The following BEGAIN variants were observed in gnomAD, a reference collection of about 807,000 sequenced individuals.
The protein encoded by BEGAIN is brain-enriched guanylate kinase-associated protein.
A neutral mutation model predicts 35.8 loss-of-function variants in BEGAIN; 19 were observed. The observed-to-expected ratio is 0.53, with a 90% CI of 0.37 to 0.78. The LOEUF is 0.78. BEGAIN is among the 30% of genes least tolerant of loss of function. The pLI, the probability that BEGAIN is intolerant of heterozygous loss-of-function variation, is 0.00. For synonymous variants in BEGAIN, 462 were observed against 388.6 expected (o/e 1.19, Z -2.22); for missense variants, 795 against 853.6 (o/e 0.93, Z 0.85).
intron 6 of BEGAIN, chr14:100,540,227 G>GC (rs2140445136): frequency 5.9e-6 from 3 of 509,804 alleles, no homozygotes; most frequent in Non-Finnish European, 7.1e-6. Flanking sequence ...ACCTGGAGCA[G>GC]CCCCCCAAAG....
chr14:100,569,526 G>A (rs1486389002), intron 1 of BEGAIN: 1 of 152,772 alleles, frequency 6.5e-6, no homozygotes, highest in Non-Finnish European at 1.5e-5. Flanking sequence ...TACGGCACTG[G>A]AGCCTGTCTT....
intron 1 of BEGAIN, among the ~76,000 whole-genome samples, chr14:100,583,685 TTTC>T (rs1436429152): frequency 1.8e-5 from 2 of 113,178 alleles, no homozygotes; most frequent in East Asian, 4.2e-4. Flanking sequence ...CTCTTTCGTT[TTTC>T]TTCCTTTTTT....
chr14:100,563,551 C>T lies in BEGAIN; in HGVS notation c.71+4360G>A, dbSNP rs1277753565. 1.3e-5 allele frequency among the ~76,000 whole-genome samples: 2 copies of T among 152,232 alleles called. No individual in the cohort carries two copies. The highest frequency in any genetic ancestry group is 1.9e-4 in the East Asian group (1 of 5,202). The stretch of plus-strand genomic sequence containing the variant: ...AAAACACCTTGGTAGAAAATGCGCA[C>T]GGCCTTCGCCGGTGAGGAAACCCAG... On this transcript the variant is annotated intron_variant, in intron 2 of 6. Transcript: ENST00000554140. This position sits in a 1 kb window ranked among gnomAD's most constrained non-coding sequence, Gnocchi z 4.2.
intron 2 of BEGAIN, among the ~76,000 whole-genome samples, chr14:100,559,645 A>C (rs768601917): frequency 4.6e-5 from 7 of 152,242 alleles, no homozygotes; most frequent in Non-Finnish European, 8.8e-5. Context: ...TTGGATCAGC[A>C]GGAGGCCTGT....
chr14:100,538,043 G>A lies in BEGAIN; in HGVS notation c.1765C>T (p.Arg589Trp), dbSNP rs758663053. 4 of 1,607,716 alleles carry A rather than the reference G, an allele frequency of 2.5e-6. No individual in the cohort carries two copies. The African/African-American group carries it at 4.0e-5, about 16-fold the overall frequency. Residue 589 changes from arginine (R) to tryptophan (W), a missense_variant, in exon 7 of 7, where the codon CGG (arginine) becomes TGG (tryptophan). Around this residue, in one of 3 missense-constraint regions of BEGAIN, gnomAD observed 664 missense variants for 647.7 expected, o/e 1.03. Transcript: ENST00000554140. ...CGGCTCAGCCCCGAGCCACCAGTCC[G>A]CGGAAAGGCCTGCTGGGGGCTGAGG... ...ARLSPQQAFPRTGGSGLSRKD... is the reference protein window; with the variant it reads ...ARLSPQQAFPWTGGSGLSRKD...
intron 4 of BEGAIN, 52 bp downstream of exon 4, chr14:100,544,948 C>T (rs2032174995): frequency 6.3e-7 from 1 of 1,590,218 alleles, no homozygotes; most frequent in Admixed American, 1.7e-5. Flanking sequence ...GGGTGGCTCC[C>T]CCCGGGAAGG....
chr14:100,543,794 C>A, intron 5 of BEGAIN, 64 bp downstream of exon 5: 1 of 1,305,820 alleles, frequency 7.7e-7, no homozygotes, highest in Non-Finnish European at 1.1e-6. Context: ...CCCAGTGCAT[C>A]CTGGGAAGCC....
At chr14:100,544,931 G>C in intron 4 of BEGAIN, 69 bp downstream of exon 4, 1 of 1,520,000 alleles carries the variant, frequency 6.6e-7, no homozygotes, top group Admixed American at 1.7e-5. Context: ...GCCCAGGGGT[G>C]TCAGCTGGGT....
Position 100,546,776 on chromosome 14 carries a change from GCGCGCACACACA to G in BEGAIN, c.72-126_72-115del, listed in dbSNP as rs772296865. 204 of 678,250 alleles carry G rather than the reference GCGCGCACACACA, an allele frequency of 3.0e-4. 1 individual carries two copies. The African/African-American group carries it at 4.9e-3, about 16-fold the overall frequency. The allele number at this position is 678,250 out of a possible 1,614,324, so 42.0% of individuals were successfully genotyped here. ...CACGCGAGTACCGGCGCGCGCGCGC[GCGCGCACACACA>G]CACACACACACACACACACACACAC... On this transcript the variant is annotated intron_variant, in intron 2 of 6. Coordinates refer to ENST00000554140, the MANE Select transcript of BEGAIN (RefSeq NM_001385089.1).
intron 6 of BEGAIN, among the ~76,000 whole-genome samples, chr14:100,539,619 G>A (rs1414253655): frequency 6.6e-6 from 1 of 152,208 alleles, no homozygotes; most frequent in African/African-American, 2.4e-5. Flanking sequence ...CCGGAACCCA[G>A]GTCTGATTCA....
chr14:100,555,198 G>A (rs1451233366), intron 2 of BEGAIN, among the ~76,000 whole-genome samples: 20 of 152,366 alleles, frequency 1.3e-4, no homozygotes, highest in Non-Finnish European at 2.9e-5. Context: ...CGCCAGGGCC[G>A]TCTGGGGTCT....
At position 100,538,903 on chromosome 14, in the gene BEGAIN, TGGAAGCCCGCCG is replaced by T. The variant is rs762163103; in HGVS notation, c.893_904del (p.Pro298_Phe301del). 1 of 1,607,564 alleles carries T rather than the reference TGGAAGCCCGCCG, an allele frequency of 6.2e-7. No individual in the cohort carries two copies. Among genetic ancestry groups the T allele is most frequent in the Non-Finnish European group, 8.5e-7 (1 of 1,178,006 alleles). On this transcript the variant is annotated inframe_deletion, in exon 7 of 7. Coordinates refer to ENST00000554140, the MANE Select transcript of BEGAIN (RefSeq NM_001385089.1). ...TGCGTAGCTGGGGAAGGCCTCATGC[TGGAAGCCCGCCG>T]GGAAGGCCGCCGCCTCGGCCTCCTC...
At chr14:100,576,193 G>T (rs1167669209) in intron 1 of BEGAIN, among the ~76,000 whole-genome samples, 1 of 152,092 alleles carries the variant, frequency 6.6e-6, no homozygotes, top group Non-Finnish European at 1.5e-5. Flanking sequence ...ACAGGGAAAG[G>T]GCTGGCAGGG....
At position 100,538,353 on chromosome 14, in the gene BEGAIN, C is replaced by T. The variant is rs558924986; in HGVS notation, c.1455G>A (p.Pro485=). 4.0e-6 allele frequency: 6 copies of T among 1,513,206 alleles called. No homozygotes were observed. Among genetic ancestry groups the T allele is most frequent in the South Asian group, 1.3e-5 (1 of 76,940 alleles). The allele number at this position is 1,513,206 out of a possible 1,614,324, so 93.7% of individuals were successfully genotyped here. ...TGTCGGCCTTGTAGCTGGCGTAGAG[C>T]GGGCTGGCGCGGCCGTCGGCCTTCT... The part of the protein sequence containing the change: ...PGKKADGRAS[P]LYASYKADSF... Residue 485 remains proline, a synonymous_variant, in exon 7 of 7, where the codon CCG becomes CCA. Transcript: ENST00000554140.
intron 2 of BEGAIN, among the ~76,000 whole-genome samples, chr14:100,552,527 C>T (rs2033306659): frequency 6.6e-6 from 1 of 152,218 alleles, no homozygotes; most frequent in Non-Finnish European, 1.5e-5. Context: ...GGGCTGCCGC[C>T]CTCCCCTTTC....
In BEGAIN at chr14:100,544,036, C is replaced by T. The variant is rs942395103; in HGVS notation, c.301-71G>A. ...GTGAGCCAACCCAGTCGCTCGATTG[C>T]ACCCCCTGGTTTGTCCCTTGTAGCC... On this transcript the variant is annotated intron_variant, in intron 4 of 6. Coordinates refer to ENST00000554140, the MANE Select transcript of BEGAIN (RefSeq NM_001385089.1). The T allele has an allele frequency of 6.1e-6, 7 of 1,148,914 alleles. No individual in the cohort carries two copies. In the African/African-American group the frequency reaches 9.2e-5, roughly 15 times the overall value. 71.2% of individuals were successfully genotyped at this position (1,148,914 alleles called of 1,614,324 possible).
In BEGAIN at chr14:100,543,295, T is replaced by G. The variant is rs185334963; in HGVS notation, c.408+563A>C. Among the ~76,000 whole-genome samples, 788 of 146,558 alleles carry G rather than the reference T, an allele frequency of 5.4e-3. 24 individuals are homozygous for G. Among genetic ancestry groups the G allele is most frequent in the Admixed American group, 0.043 (638 of 14,812 alleles). On this transcript the variant is annotated intron_variant, in intron 5 of 6. Transcript: ENST00000554140. ...TGTGAACTCCACGTGGCCAGAGGTG[T>G]TTTTTTTTTTGTTTTTTTTTTTGCC...
intron 3 of BEGAIN, among the ~76,000 whole-genome samples, chr14:100,545,640 G>A (rs752543501): frequency 6.6e-5 from 10 of 152,194 alleles, no homozygotes; most frequent in South Asian, 2.1e-4. Flanking sequence ...CCTATGTGTC[G>A]TGTTATGGCC....
Position 100,538,291 on chromosome 14 carries a change from A to G in BEGAIN, c.1517T>C (p.Leu506Pro), listed in dbSNP as rs776456849. The change falls in exon 7 of 7, where the codon CTG becomes CCG. Residue 506 changes from leucine to proline, a missense_variant. Around this residue, in one of 3 missense-constraint regions of BEGAIN, gnomAD observed 664 missense variants for 647.7 expected, o/e 1.03. Coordinates refer to ENST00000554140, the MANE Select transcript of BEGAIN (RefSeq NM_001385089.1). ...SEGDDLSQGH[L>P]AEPCFLRAGG... ...CGCCCGCAGGAAGCAGGGCTCTGCC[A>G]GGTGGCCCTGGGAGAGGTCGTCCCC... is the stretch of plus-strand genomic sequence containing the variant. The G allele has an allele frequency of 7.1e-6, 11 of 1,552,874 alleles. No homozygotes were observed. The highest frequency in any genetic ancestry group is 9.5e-6 in the Non-Finnish European group (11 of 1,158,296).
Sources: allele counts gnomAD v4.1 joint callset (sites outside exome capture counted in the v4.1 genomes callset), GRCh38; gene constraint gnomAD v4.1.1; regional missense constraint gnomAD v4.1.1; non-coding constraint Gnocchi (gnomAD v3.1); transcripts MANE v1.5; gene names NCBI Gene and HGNC (gene_info 2026-07-23, HGNC 2026-07-21).